The following LEMD1 variants were observed in gnomAD, a reference collection of about 807,000 sequenced individuals.
The protein encoded by LEMD1 is LEM domain containing 1.
In LEMD1, 18 loss-of-function variants were observed where a neutral mutation model predicts 17.4. That is an observed-to-expected ratio of 1.04 (90% CI 0.72 to 1.54). The LOEUF is 1.54. Among genes scored for constraint, LEMD1 ranks in the 40% most tolerant of loss-of-function variants. LEMD1 has a pLI of 0.00. For missense variants in LEMD1, 195 were observed against 210.4 expected, an observed-to-expected ratio of 0.93 and a Z score of 0.45; for synonymous variants, 88 against 77.8, an observed-to-expected ratio of 1.13 and a Z score of -0.69.
chr1:205,419,320 C>T lies in LEMD1; in HGVS notation c.115G>A (p.Val39Ile), dbSNP rs147062757. Residue 39 changes from valine to isoleucine, a missense_variant, in exon 3 of 6, where the codon GTA (valine) becomes ATA (isoleucine). Val to Ile is a conservative substitution (Grantham distance 29). Coordinates refer to ENST00000367153, the MANE Select transcript of LEMD1 (RefSeq NM_001199050.2). ...STRKLYEKKL[V>I]QLLVSPPCAP... ...CAGGGAGGTGAGACCAACAACTGTACTAACTTTTTTTCATACAACTTTCTG... is the reference window on the plus strand; with the variant it reads ...CAGGGAGGTGAGACCAACAACTGTATTAACTTTTTTTCATACAACTTTCTG... 96 of 1,614,202 alleles carry T rather than the reference C, an allele frequency of 5.9e-5. No individual in the cohort carries two copies. The African/African-American group carries it at 1.1e-3, about 19-fold the overall frequency.
chr1:205,434,476 C>T (rs1666174246), intron 1 of LEMD1, among the ~76,000 whole-genome samples: 2 of 151,938 alleles, frequency 1.3e-5, no homozygotes, highest in African/African-American at 4.8e-5. Flanking sequence ...AACCACTGCG[C>T]CTGGCTCTTT....
rs1396377488 is a variant in LEMD1 at position 205,407,778 on chromosome 1, G to A, written c.270+8454C>T. On this transcript the variant is annotated intron_variant, in intron 4 of 5. Transcript: ENST00000367153. ...GGACTTGAGATTGGCATTTTAAGTC[G>A]GGGGCTGGACTGAGCCCCTTAACCT... Among the ~76,000 whole-genome samples, 10 of 152,094 alleles carry A rather than the reference G, an allele frequency of 6.6e-5. 1 individual carries two copies. The highest frequency in any genetic ancestry group is 4.1e-4 in the South Asian group (2 of 4,820).
intron 4 of LEMD1, among the ~76,000 whole-genome samples, chr1:205,394,106 C>T (rs1664472311): frequency 1.4e-5 from 2 of 142,090 alleles, no homozygotes; most frequent in Admixed American, 1.5e-4. Flanking sequence ...AGAAGTGAAA[C>T]ACAAAACATC....
At chr1:205,440,495 G>A (rs772092319) in intron 1 of LEMD1, 1 of 152,278 alleles carries the variant, frequency 6.6e-6, no homozygotes, top group Non-Finnish European at 1.5e-5. Flanking sequence ...GCTGCTGGAA[G>A]TTCTCTGCTA....
intron 4 of LEMD1, among the ~76,000 whole-genome samples, chr1:205,399,425 G>T (rs571767608): frequency 7.9e-5 from 12 of 152,214 alleles, no homozygotes; most frequent in Non-Finnish European, 1.6e-4. Flanking sequence ...GTGTGTATAC[G>T]TATACAGATA....
chr1:205,404,460 C>T (rs1055140619), intron 4 of LEMD1, among the ~76,000 whole-genome samples: 48 of 152,098 alleles, frequency 3.2e-4, no homozygotes, highest in Non-Finnish European at 5.9e-4. Context: ...TATGTAATGG[C>T]CTTCTTTGTC....
At chr1:205,391,945 C>CAA (rs1558711014) in intron 4 of LEMD1, among the ~76,000 whole-genome samples, 1 of 118,022 alleles carries the variant, frequency 8.5e-6, no homozygotes, top group African/African-American at 4.0e-5. Flanking sequence ...TCGTCTCTAC[C>CAA]GAAAAAAAAA....
intron 4 of LEMD1, among the ~76,000 whole-genome samples, chr1:205,392,437 G>C (rs768294771): frequency 1.3e-5 from 2 of 152,006 alleles, no homozygotes; most frequent in Non-Finnish European, 2.9e-5. Flanking sequence ...AGCTACTCGG[G>C]AGGCTGAGGC....
At chr1:205,401,444 C>T (rs1435168499) in intron 4 of LEMD1, among the ~76,000 whole-genome samples, 1 of 135,098 alleles carries the variant, frequency 7.4e-6, no homozygotes, top group African/African-American at 2.8e-5. Flanking sequence ...TCTCTGATGG[C>T]CAGTGATGAT....
intron 4 of LEMD1, among the ~76,000 whole-genome samples, chr1:205,410,065 C>T (rs920561577): frequency 9.9e-5 from 15 of 151,554 alleles, no homozygotes; most frequent in African/African-American, 2.9e-4. Context: ...CGTGAGCCAC[C>T]GTGCCCAGCC....
chr1:205,408,861 AAAC>A (rs917399315), intron 4 of LEMD1, among the ~76,000 whole-genome samples: 1 of 73,510 alleles, frequency 1.4e-5, no homozygotes, highest in East Asian at 2.5e-4. Context: ...TGACTTAAAC[AAAC>A]AACAACAACA....
At chr1:205,410,000 T>C (rs570911596) in intron 4 of LEMD1, among the ~76,000 whole-genome samples, 55 of 152,276 alleles carry the variant, frequency 3.6e-4, no homozygotes, top group African/African-American at 1.3e-3. Flanking sequence ...GGTCTTGAAC[T>C]CCTGACCTCA....
At chr1:205,445,629 A>T (rs1201884409) in intron 1 of LEMD1, among the ~76,000 whole-genome samples, 1 of 152,204 alleles carries the variant, frequency 6.6e-6, no homozygotes, top group Non-Finnish European at 1.5e-5. Flanking sequence ...AAGCATTCTC[A>T]GTGGTTCTGA....
At chr1:205,442,272 G>T (rs968203097) in intron 1 of LEMD1, among the ~76,000 whole-genome samples, 2 of 152,168 alleles carry the variant, frequency 1.3e-5, no homozygotes, top group East Asian at 3.9e-4. Context: ...TGCGGAAGGG[G>T]TTTGGAATAG....
intron 4 of LEMD1, among the ~76,000 whole-genome samples, chr1:205,405,630 C>T (rs1214647669): frequency 2.6e-5 from 4 of 151,686 alleles, no homozygotes; most frequent in African/African-American, 9.7e-5. Flanking sequence ...TTTTCAACTT[C>T]TTTGCCTTTG....
intron 1 of LEMD1, among the ~76,000 whole-genome samples, chr1:205,440,399 G>A (rs1411207805): frequency 6.6e-6 from 1 of 152,218 alleles, no homozygotes; most frequent in Non-Finnish European, 1.5e-5. Flanking sequence ...ATGCTGGCAG[G>A]GGGCTGGAAA....
At chr1:205,410,777 G>T (rs966048864) in intron 4 of LEMD1, among the ~76,000 whole-genome samples, 1 of 151,990 alleles carries the variant, frequency 6.6e-6, no homozygotes, top group Non-Finnish European at 1.5e-5. Flanking sequence ...GAGGCCAGAG[G>T]TTAACTTGAG....
intron 4 of LEMD1, among the ~76,000 whole-genome samples, chr1:205,406,120 G>A (rs1360589415): frequency 2.0e-5 from 3 of 152,194 alleles, no homozygotes; most frequent in African/African-American, 7.2e-5. Flanking sequence ...CCTACTGGGG[G>A]GTGCCTCCCA....
At chr1:205,389,732 G>T (rs1664239257) in intron 4 of LEMD1, among the ~76,000 whole-genome samples, 1 of 152,142 alleles carries the variant, frequency 6.6e-6, no homozygotes, top group South Asian at 2.1e-4. Flanking sequence ...TTTTACAAAT[G>T]ACATAGCAAA....
Sources: gnomAD v4.1 joint callset for allele counts (sites outside exome capture counted in the v4.1 genomes callset) on GRCh38, gnomAD v4.1.1 for gene constraint, MANE v1.5 for transcripts, NCBI Gene and HGNC (gene_info 2026-07-23, HGNC 2026-07-21) for gene names.